Variants in DENND5B observed in about 807,000 individuals in gnomAD.
DENND5B encodes DENN domain-containing protein 5B.
A neutral mutation model predicts 140.6 loss-of-function variants in DENND5B; 34 were observed. The ratio of observed to expected loss-of-function variants is 0.24; its 90% CI spans 0.18 to 0.32. DENND5B has a LOEUF of 0.32. DENND5B is among the 10% of genes least tolerant of loss of function. The pLI is 1.00. For missense variants in DENND5B, 1,142 were observed against 1,560.2 expected (o/e 0.73, Z 4.52); for synonymous variants, 551 against 562.1 (o/e 0.98, Z 0.28).
intron 20 of DENND5B, among the ~76,000 whole-genome samples, chr12:31,387,995 A>T (rs1940929498): frequency 6.6e-6 from 1 of 152,218 alleles, no homozygotes; most frequent in African/African-American, 2.4e-5. Context: ...AGAAAGCTAA[A>T]GGGAAAACCC....
chr12:31,545,106 G>A (rs1948812805), intron 1 of DENND5B, among the ~76,000 whole-genome samples: 1 of 152,046 alleles, frequency 6.6e-6, no homozygotes, highest in Admixed American at 6.6e-5. Context: ...GTCCTTATCA[G>A]AGCCAGAGCC....
rs117438676 is a variant in DENND5B at position 31,536,797 on chromosome 12, C to T, written c.128-40878G>A. On this transcript the variant is annotated intron_variant, in intron 1 of 20. Coordinates refer to ENST00000389082, the MANE Select transcript of DENND5B (RefSeq NM_144973.4). Reference sequence around the variant, plus strand: ...TCAAGCCATTTCATAATCAAATTCCCAAAGGTCAAGGATAAAGAAAGAATC... The same window carrying T: ...TCAAGCCATTTCATAATCAAATTCCTAAAGGTCAAGGATAAAGAAAGAATC... Among the ~76,000 whole-genome samples the T allele has an allele frequency of 1.3e-3, 197 of 152,090 alleles. 2 individuals are homozygous for T. The highest frequency in any genetic ancestry group is 0.01 in the Middle Eastern group (3 of 294).
At chr12:31,391,972 C>T (rs1309090196) in intron 19 of DENND5B, among the ~76,000 whole-genome samples, 1 of 151,872 alleles carries the variant, frequency 6.6e-6, no homozygotes, top group African/African-American at 2.4e-5. Context: ...AACCCCTTCT[C>T]TATTAAAAAT....
At chr12:31,485,115 A>G (rs1946245966) in intron 2 of DENND5B, among the ~76,000 whole-genome samples, 1 of 152,184 alleles carries the variant, frequency 6.6e-6, no homozygotes, top group South Asian at 2.1e-4. Context: ...ATGCTCAGCA[A>G]ATCGATGAGA....
At chr12:31,546,220 C>T (rs912607734) in intron 1 of DENND5B, among the ~76,000 whole-genome samples, 3 of 152,106 alleles carry the variant, frequency 2.0e-5, no homozygotes, top group Admixed American at 1.3e-4. Context: ...CTTTATGTTA[C>T]AGCATATTTG....
chr12:31,529,772 A>C (rs1948218764), intron 1 of DENND5B, among the ~76,000 whole-genome samples: 1 of 152,066 alleles, frequency 6.6e-6, no homozygotes, highest in Admixed American at 6.5e-5. Context: ...AAAAATGCCC[A>C]ACACAAAATC....
At chr12:31,552,277 C>T (rs1011440854) in intron 1 of DENND5B, among the ~76,000 whole-genome samples, 1 of 152,044 alleles carries the variant, frequency 6.6e-6, no homozygotes, top group South Asian at 2.1e-4. Flanking sequence ...GCATGAAGGG[C>T]TGCTGAATTT....
intron 1 of DENND5B, among the ~76,000 whole-genome samples, chr12:31,520,885 T>A (rs1192720017): frequency 6.6e-6 from 1 of 152,194 alleles, no homozygotes; most frequent in Non-Finnish European, 1.5e-5. Flanking sequence ...GAAAAATTCA[T>A]CATGACAATA....
intron 14 of DENND5B, among the ~76,000 whole-genome samples, chr12:31,405,519 T>TATGC (rs1231679284): frequency 1.4e-5 from 2 of 146,396 alleles, no homozygotes; most frequent in African/African-American, 5.1e-5. Flanking sequence ...GCCATGTATG[T>TATGC]ATGTATGTAT....
At chr12:31,440,722 C>A (rs1341001444) in intron 7 of DENND5B, among the ~76,000 whole-genome samples, 1 of 152,022 alleles carries the variant, frequency 6.6e-6, no homozygotes, top group Non-Finnish European at 1.5e-5. Context: ...TGCAGTGATG[C>A]GATCACATCA....
At chr12:31,501,773 CAA>C (rs10645598) in intron 1 of DENND5B, among the ~76,000 whole-genome samples, 9 of 119,116 alleles carry the variant, frequency 7.6e-5, no homozygotes, top group African/African-American at 6.3e-5. Flanking sequence ...AACTCCATCT[CAA>C]AAAAAAAAAA....
chr12:31,447,405 T>G, intron 6 of DENND5B, 133 bp downstream of exon 6: 1 of 754,586 alleles, frequency 1.3e-6, no homozygotes, highest in Non-Finnish European at 2.0e-6. Flanking sequence ...TACAAAGCAT[T>G]TCGTGATATA....
At chr12:31,406,525 G>A (rs1376433510) in intron 14 of DENND5B, among the ~76,000 whole-genome samples, 1 of 152,130 alleles carries the variant, frequency 6.6e-6, no homozygotes, top group East Asian at 1.9e-4. Context: ...GAAAGCAGAA[G>A]AGGTTAGTGT....
At chr12:31,388,515 T>C (rs1940961820) in intron 20 of DENND5B, among the ~76,000 whole-genome samples, 1 of 152,172 alleles carries the variant, frequency 6.6e-6, no homozygotes, top group Admixed American at 6.6e-5. Flanking sequence ...TGATCAAACC[T>C]GACATTAGTA....
rs756967715 is a variant in DENND5B, at chr12:31,389,414, G to T, written c.3551C>A (p.Thr1184Asn). 1.6e-5 allele frequency: 26 copies of T among 1,611,966 alleles called. No homozygotes were observed. Among genetic ancestry groups the T allele is most frequent in the Non-Finnish European group, 2.2e-5 (26 of 1,179,066 alleles). ...AATAGCATTTACGTAGTGGCAGAAG[G>T]TTTTGCAGGATGATTTCTGAATAAG... Reference protein sequence around the residue: ...DVLIQKSSCKTFCHYVNAINT... With the variant: ...DVLIQKSSCKNFCHYVNAINT... Residue 1184 changes from threonine to asparagine, a missense_variant, in exon 20 of 21, where the codon ACC becomes AAC. Transcript: ENST00000389082.
Position 31,404,696 on chromosome 12 carries a change from C to CA in DENND5B, c.2804-2054dup, listed in dbSNP as rs1942015005. Among the ~76,000 whole-genome samples, 5 of 150,560 alleles carry CA rather than the reference C, an allele frequency of 3.3e-5. No individual in the cohort carries two copies. In the Admixed American group the frequency reaches 3.3e-4, roughly 10 times the overall value. On this transcript the variant is annotated intron_variant, in intron 14 of 20. Transcript: ENST00000389082. Reference sequence around the variant, plus strand: ...CTCGAACTCCTGAACTCAGGTGATCCACCGGCCTCAACCTCCCAAAGTGTT... The same window carrying CA: ...CTCGAACTCCTGAACTCAGGTGATCCAACCGGCCTCAACCTCCCAAAGTGTT...
At chr12:31,524,458 G>T (rs1048974607) in intron 1 of DENND5B, among the ~76,000 whole-genome samples, 2 of 152,120 alleles carry the variant, frequency 1.3e-5, no homozygotes, top group African/African-American at 4.8e-5. Context: ...TTCCAGACCA[G>T]CCTGGCCAAC....
intron 1 of DENND5B, among the ~76,000 whole-genome samples, chr12:31,542,713 T>A (rs1051039601): frequency 5.3e-5 from 8 of 152,320 alleles, no homozygotes; most frequent in East Asian, 1.9e-4. Flanking sequence ...CCCAACACTT[T>A]GGGAGGCCAA....
At chr12:31,405,234 G>C (rs1166260615) in intron 14 of DENND5B, among the ~76,000 whole-genome samples, 1 of 142,094 alleles carries the variant, frequency 7.0e-6, no homozygotes, top group Non-Finnish European at 1.5e-5. Context: ...TTTTTTTTTT[G>C]AGACACGGTC....
Sources: allele counts gnomAD v4.1 joint callset (sites outside exome capture counted in the v4.1 genomes callset), GRCh38; gene constraint gnomAD v4.1.1; transcripts MANE v1.5; gene names NCBI Gene and HGNC (gene_info 2026-07-23, HGNC 2026-07-21).